Variants in WWP2 observed in about 807,000 individuals in gnomAD.
The protein encoded by WWP2 is NEDD4-like E3 ubiquitin-protein ligase WWP2.
In WWP2, 57 loss-of-function variants were observed where a neutral mutation model predicts 121.0. The ratio of observed to expected loss-of-function variants is 0.47; its 90% CI spans 0.38 to 0.59. WWP2 has a LOEUF of 0.59. Ranked by LOEUF, WWP2 falls within the 20% of genes least tolerant of loss-of-function variation. The pLI is 0.00. For synonymous variants in WWP2, 449 were observed against 441.3 expected, an observed-to-expected ratio of 1.02 and a Z score of -0.22; for missense variants, 962 against 1,158.9, an observed-to-expected ratio of 0.83 and a Z score of 2.47.
chr16:69,788,198 T>TA (rs1325754876), intron 2 of WWP2: 201 of 143,700 alleles, frequency 1.4e-3, no homozygotes, highest in Middle Eastern at 7.1e-3. Context: ...CCCCCGTCTC[T>TA]AAAAAAAAAA....
intron 1 of WWP2, among the ~76,000 whole-genome samples, chr16:69,772,008 C>G (rs1319112834): frequency 8.1e-6 from 1 of 123,794 alleles, no homozygotes; most frequent in African/African-American, 3.1e-5. Context: ...GTTGCCCAGG[C>G]TGGAGTGTAA....
Position 69,777,051 on chromosome 16 carries a change from A to G in WWP2, c.-15-9945A>G, listed in dbSNP as rs145241384. ...TAAAACAGTATATGTGTGTGTGTGT[A>G]TATATATGTATGTATATTTATTTTA... On this transcript the variant is annotated intron_variant, in intron 1 of 23. Transcript: ENST00000359154. 2.2e-3 allele frequency among the ~76,000 whole-genome samples: 327 copies of G among 151,580 alleles called. 2 individuals carry two copies. Among genetic ancestry groups the G allele is most frequent in the East Asian group, 4.7e-3 (24 of 5,152 alleles).
At chr16:69,923,476 G>A (rs1276757072) in intron 10 of WWP2, among the ~76,000 whole-genome samples, 1 of 152,160 alleles carries the variant, frequency 6.6e-6, no homozygotes, top group Admixed American at 6.5e-5. Context: ...TCTGATCCTA[G>A]TTCAGTGCTA....
intron 8 of WWP2, among the ~76,000 whole-genome samples, chr16:69,889,924 A>G (rs1043156594): frequency 3.9e-5 from 6 of 151,904 alleles, no homozygotes; most frequent in African/African-American, 1.4e-4. Flanking sequence ...CCCTTATCCC[A>G]TCTCTTTATT....
rs1192880134 is a variant in WWP2 at position 69,778,090 on chromosome 16, T to TATAC, written c.-15-8905_-15-8904insTACA. On this transcript the variant is annotated intron_variant, in intron 1 of 23. Coordinates refer to ENST00000359154, the MANE Select transcript of WWP2 (RefSeq NM_001270454.2). Reference sequence around the variant, plus strand: ...TGTCTCAAATATATATATATATATATACACACACACACACACATGTATATA... The same window carrying TATAC: ...TGTCTCAAATATATATATATATATATATACACACACACACACACACATGTATATA... Among the ~76,000 whole-genome samples, 234 of 108,866 alleles carry TATAC rather than the reference T, an allele frequency of 2.1e-3. 1 individual carries two copies. Among genetic ancestry groups the TATAC allele is most frequent in the African/African-American group, 6.9e-3 (221 of 32,080 alleles). 71.4% of individuals were successfully genotyped at this position (108,866 alleles called of 152,430 possible).
At chr16:69,833,891 C>T (rs756573449) in intron 4 of WWP2, among the ~76,000 whole-genome samples, 17 of 152,234 alleles carry the variant, frequency 1.1e-4, no homozygotes, top group South Asian at 2.1e-4. Context: ...CTGATGTGCT[C>T]GGTGGGGAGT....
intron 4 of WWP2, among the ~76,000 whole-genome samples, chr16:69,800,676 C>T (rs2056145140): frequency 6.6e-6 from 1 of 151,198 alleles, no homozygotes; most frequent in Non-Finnish European, 1.5e-5. Flanking sequence ...GCGATCCTAC[C>T]ACCTCAGCCT....
At position 69,782,281 on chromosome 16, in the gene WWP2, TCAAA is replaced by T. The variant is rs1010371081; in HGVS notation, c.-15-4704_-15-4701del. 7.9e-5 allele frequency among the ~76,000 whole-genome samples: 12 copies of T among 152,180 alleles called. No individual in the cohort carries two copies. In the East Asian group the frequency reaches 1.4e-3, roughly 17 times the overall value. On this transcript the variant is annotated intron_variant, in intron 1 of 23. Coordinates refer to ENST00000359154, the MANE Select transcript of WWP2 (RefSeq NM_001270454.2). ...CCGGGTGACAGAGCGAGACTCCATC[TCAAA>T]CAAACAAACAGACAAACAGAGGGAT...
intron 6 of WWP2, among the ~76,000 whole-genome samples, chr16:69,852,879 G>A (rs186804322): frequency 1.2e-4 from 18 of 152,252 alleles, no homozygotes; most frequent in African/African-American, 4.3e-4. Context: ...TTCATGCTAC[G>A]ATGGTATGTT....
chr16:69,818,309 G>A (rs146490262), intron 4 of WWP2, among the ~76,000 whole-genome samples: 9,112 of 152,022 alleles, frequency 0.06, 320 homozygotes, highest in Middle Eastern at 0.11. Flanking sequence ...CCGGGTTCAA[G>A]CAATTCTCCT....
At chr16:69,908,910 G>T in intron 9 of WWP2, 60 bp downstream of exon 9, 1 of 1,611,680 alleles carries the variant, frequency 6.2e-7, no homozygotes, top group South Asian at 1.1e-5. Flanking sequence ...TCACCCAATG[G>T]CTTCTTGAAA....
intron 13 of WWP2, among the ~76,000 whole-genome samples, chr16:69,930,921 A>T (rs940201876): frequency 3.3e-5 from 5 of 152,198 alleles, no homozygotes; most frequent in Admixed American, 3.3e-4. Flanking sequence ...GGAAGGGACT[A>T]TCCTGTTTAT....
intron 9 of WWP2, among the ~76,000 whole-genome samples, chr16:69,915,795 AG>A (rs1319452023): frequency 6.6e-6 from 1 of 152,114 alleles, no homozygotes; most frequent in Non-Finnish European, 1.5e-5. Context: ...GCACTTTGGG[AG>A]GCTGAGGCGA....
At chr16:69,881,732 C>T (rs1438683437) in intron 7 of WWP2, among the ~76,000 whole-genome samples, 1 of 152,228 alleles carries the variant, frequency 6.6e-6, no homozygotes, top group Non-Finnish European at 1.5e-5. Flanking sequence ...CACTCTGTCA[C>T]CCAGGCTGGA....
chr16:69,797,879 A>T (rs1201514816), intron 2 of WWP2, among the ~76,000 whole-genome samples: 1 of 147,700 alleles, frequency 6.8e-6, no homozygotes, highest in African/African-American at 2.6e-5. Context: ...CAAGAGCCAA[A>T]CTCTATCTCA....
chr16:69,832,616 C>A (rs2056813872), intron 4 of WWP2, among the ~76,000 whole-genome samples: 1 of 152,200 alleles, frequency 6.6e-6, no homozygotes, highest in Non-Finnish European at 1.5e-5. Context: ...GATCTCAGCT[C>A]ACAGCAACCT....
chr16:69,923,269 C>A (rs1428443323), intron 10 of WWP2, among the ~76,000 whole-genome samples: 1 of 124,840 alleles, frequency 8.0e-6, no homozygotes, highest in African/African-American at 3.2e-5. Context: ...TCTCCCTTTC[C>A]TGTCTGCCTC....
chr16:69,931,493 CTTT>C lies in WWP2; in HGVS notation c.1522-6_1522-4del, dbSNP rs368331143. The C allele has an allele frequency of 2.4e-6, 3 of 1,265,246 alleles. No individual in the cohort carries two copies. Among genetic ancestry groups the C allele is most frequent in the Admixed American group, 2.0e-5 (1 of 50,516 alleles). 78.4% of individuals were successfully genotyped at this position (1,265,246 alleles called of 1,614,324 possible). A position where few individuals can be genotyped will look rare whatever the true frequency, so the allele number is the denominator to read the frequency against. On this transcript the variant is annotated splice_polypyrimidine_tract_variant and intron_variant, in intron 14 of 23. Coordinates refer to ENST00000359154, the MANE Select transcript of WWP2 (RefSeq NM_001270454.2). The stretch of plus-strand genomic sequence containing the variant: ...TTGAGGCTCGATTTAAAGTTCTTTT[CTTT>C]TTTTTTTTTCAGTCAAATGCCCTAC...
At chr16:69,790,012 G>A (rs1373063017) in intron 2 of WWP2, among the ~76,000 whole-genome samples, 1 of 152,192 alleles carries the variant, frequency 6.6e-6, no homozygotes, top group East Asian at 1.9e-4. Context: ...AGAGGCTGAG[G>A]CAGACAGATT....
Sources: allele counts gnomAD v4.1 joint callset (sites outside exome capture counted in the v4.1 genomes callset), GRCh38; gene constraint gnomAD v4.1.1; transcripts MANE v1.5; gene names NCBI Gene and HGNC (gene_info 2026-07-23, HGNC 2026-07-21).